The following E2F5 variants were observed in gnomAD, a reference collection of about 807,000 sequenced individuals.
E2F5 encodes transcription factor E2F5.
A neutral mutation model predicts 39.1 loss-of-function variants in E2F5; 23 were observed. The ratio of observed to expected loss-of-function variants is 0.59; its 90% confidence interval spans 0.42 to 0.83. The LOEUF (loss-of-function observed/expected upper bound fraction) is 0.83, where lower values mean the gene tolerates loss of function less well. Among genes scored for constraint, E2F5 ranks in the 40% least tolerant of loss-of-function variants. The probability of loss-of-function intolerance (pLI) is 0.00; values close to 1 mark genes in which losing one functional copy is unlikely to be tolerated. For missense variants in E2F5, 365 were observed against 406.7 expected (o/e 0.90, Z 0.88); for synonymous variants, 145 against 157.8 (o/e 0.92, Z 0.61).
intron 1 of E2F5, chr8:85,187,563 G>T (rs1322191785): frequency 2.0e-5 from 3 of 151,854 alleles, no homozygotes; most frequent in Non-Finnish European, 2.9e-5. Context: ...TCTTTTTATA[G>T]TTTTTGACTT....
At chr8:85,205,159 G>A (rs533818412) in intron 3 of E2F5, among the ~76,000 whole-genome samples, 55 of 152,166 alleles carry the variant, frequency 3.6e-4, no homozygotes, top group Admixed American at 7.2e-4. Context: ...CTTCAGCTTG[G>A]GCGATAGAGC....
At position 85,207,502 on chromosome 8, in the gene E2F5, A is replaced by C; in HGVS notation, c.615+13A>C. The C allele has an allele frequency of 6.5e-7, 1 of 1,546,930 alleles. No individual in the cohort carries two copies. Among genetic ancestry groups the C allele is most frequent in the Non-Finnish European group, 8.7e-7 (1 of 1,144,896 alleles). ...CATTCCAGAAATGGTATGTAGGATA[A>C]CTTATGTTTATATAAGTGGGAAAAA... is the stretch of plus-strand genomic sequence containing the variant. On this transcript the variant is annotated intron_variant, in intron 5 of 7. Coordinates refer to ENST00000416274, the MANE Select transcript of E2F5 (RefSeq NM_001951.4).
At position 85,180,908 on chromosome 8, in the gene E2F5, T is replaced by G. The variant is rs536486994; in HGVS notation, c.234+3254T>G. ...TTGTTTGTTTTTTGAGACAGGGTCT[T>G]ATTCTGTCGCCCAGGCTGGAGTGCA... On this transcript the variant is annotated intron_variant, in intron 1 of 7. Coordinates refer to ENST00000416274, the MANE Select transcript of E2F5 (RefSeq NM_001951.4). 6.1e-5 allele frequency among the ~76,000 whole-genome samples: 9 copies of G among 146,786 alleles called. No homozygotes were observed. The South Asian group carries it at 1.7e-3, about 28-fold the overall frequency.
chr8:85,184,596 T>C (rs759407332), intron 1 of E2F5, among the ~76,000 whole-genome samples: 4 of 152,222 alleles, frequency 2.6e-5, no homozygotes, highest in Non-Finnish European at 5.9e-5. Context: ...GCAGATGACA[T>C]GATTGTATAT....
rs768199633 is a variant in E2F5 at position 85,214,038 on chromosome 8, C to T, written c.*176C>T. 2 of 592,796 alleles carry T rather than the reference C, an allele frequency of 3.4e-6. No individual in the cohort carries two copies. The highest frequency in any genetic ancestry group is 1.9e-5 in the African/African-American group (1 of 53,656). The allele number at this position is 592,796 out of a possible 1,614,324, so 36.7% of individuals were successfully genotyped here. On this transcript the variant is annotated 3_prime_UTR_variant, in exon 8 of 8. Coordinates refer to ENST00000416274, the MANE Select transcript of E2F5 (RefSeq NM_001951.4). Reference sequence around the variant, plus strand: ...AAACTTCAACCATAAAAACAAAGGGCTCTGATTGCTTTAGGGGATAAGTGA... The same window carrying T: ...AAACTTCAACCATAAAAACAAAGGGTTCTGATTGCTTTAGGGGATAAGTGA...
In E2F5 at chr8:85,206,204, C is replaced by A. The variant is rs774880479; in HGVS notation, c.534C>A (p.Ile178=). ...NRFSYVTHED[I]CNCFNGDTLL... is the part of the protein sequence containing the mutation. ...TTTCCTATGTAACTCATGAAGACAT[C>A]TGTAATTGCTTTAATGGTAAGTACC... The change falls in exon 4 of 8, where the codon ATC becomes ATA. Residue 178 remains isoleucine, a synonymous_variant. Transcript: ENST00000416274. 9 of 1,613,132 alleles carry A rather than the reference C, an allele frequency of 5.6e-6. No homozygotes were observed. Among genetic ancestry groups the A allele is most frequent in the African/African-American group, 5.3e-5 (4 of 74,916 alleles).
chr8:85,208,703 T>A (rs1288101888), intron 5 of E2F5, among the ~76,000 whole-genome samples: 1 of 152,180 alleles, frequency 6.6e-6, no homozygotes, highest in Non-Finnish European at 1.5e-5. Flanking sequence ...TATTTCTCAG[T>A]AGGAGAAATT....
At chr8:85,211,123 T>A (rs908741804) in intron 6 of E2F5, among the ~76,000 whole-genome samples, 4 of 150,444 alleles carry the variant, frequency 2.7e-5, no homozygotes, top group Non-Finnish European at 5.9e-5. Flanking sequence ...GTGGGGCTCA[T>A]GCCTGTAATC....
chr8:85,186,673 G>A, intron 1 of E2F5, among the ~76,000 whole-genome samples: 1 of 146,994 alleles, frequency 6.8e-6, no homozygotes, highest in East Asian at 2.0e-4. Context: ...TGGTATATAT[G>A]TAAGGTATAT....
At chr8:85,180,081 G>A (rs750774523) in intron 1 of E2F5, among the ~76,000 whole-genome samples, 1 of 151,020 alleles carries the variant, frequency 6.6e-6, no homozygotes, top group Non-Finnish European at 1.5e-5. Flanking sequence ...GAGTGCAGTG[G>A]CAGATCTCTG....
Position 85,214,049 on chromosome 8 carries a change from T to A in E2F5, c.*187T>A. Reference sequence around the variant, plus strand: ...ATAAAAACAAAGGGCTCTGATTGCTTTAGGGGATAAGTGATTTAATATCCA... The same window carrying A: ...ATAAAAACAAAGGGCTCTGATTGCTATAGGGGATAAGTGATTTAATATCCA... On this transcript the variant is annotated 3_prime_UTR_variant, in exon 8 of 8. Transcript: ENST00000416274. 1 of 596,690 alleles carries A rather than the reference T, an allele frequency of 1.7e-6. No individual in the cohort carries two copies. Among genetic ancestry groups the A allele is most frequent in the Non-Finnish European group, 3.0e-6 (1 of 336,084 alleles). The allele number at this position is 596,690 out of a possible 1,614,324, so 37.0% of individuals were successfully genotyped here.
chr8:85,193,409 G>A (rs1336329627), intron 1 of E2F5, among the ~76,000 whole-genome samples: 1 of 151,892 alleles, frequency 6.6e-6, no homozygotes, highest in Non-Finnish European at 1.5e-5. Flanking sequence ...CTTGGACCCA[G>A]GAGGTGAAGG....
In E2F5 at chr8:85,214,461, G is replaced by T; in HGVS notation, c.*599G>T. ...TGTTTATGTAGTTTGTTTTTAAAAT[G>T]TGCCAATGCCTGTACATTAACAAGA... On this transcript the variant is annotated 3_prime_UTR_variant, in exon 8 of 8. Coordinates refer to ENST00000416274, the MANE Select transcript of E2F5 (RefSeq NM_001951.4). 1.2e-6 allele frequency: 1 copy of T among 813,394 alleles called. No homozygotes were observed. Among genetic ancestry groups the T allele is most frequent in the Non-Finnish European group, 2.1e-6 (1 of 479,640 alleles). The allele number at this position is 813,394 out of a possible 1,614,324, so 50.4% of individuals were successfully genotyped here. A position where few individuals can be genotyped will look rare whatever the true frequency, so the allele number is the denominator to read the frequency against.
chr8:85,188,535 G>A (rs1391842134), intron 1 of E2F5, among the ~76,000 whole-genome samples: 2 of 152,190 alleles, frequency 1.3e-5, no homozygotes, highest in Non-Finnish European at 2.9e-5. Context: ...TTTGGCAGAT[G>A]TGGCCAGCAC....
intron 2 of E2F5, 32 bp from the exon 3 acceptor site, chr8:85,203,062 A>G (rs375519002): frequency 1.3e-5 from 18 of 1,396,624 alleles, no homozygotes; most frequent in Non-Finnish European, 1.7e-5. Context: ...TAGATCTGAT[A>G]CTGAGGATAT....
In E2F5 at chr8:85,209,142, G is replaced by T; in HGVS notation, c.616G>T (p.Gly206Cys). The T allele has an allele frequency of 1.2e-6, 2 of 1,613,382 alleles. No individual in the cohort carries two copies. The highest frequency in any genetic ancestry group is 1.7e-4 in the Middle Eastern group (1 of 6,056). The stretch of plus-strand genomic sequence containing the variant: ...TTGTTTATACCCAATAACTTCAAAG[G>T]GTCAGAATGGACAAAAGAAATACCA... ...TQLEVPIPEM[G>C]QNGQKKYQIN... Residue 206 changes from glycine to cysteine, a missense_variant and splice_region_variant, in exon 6 of 8, where the codon GGT (glycine) becomes TGT (cysteine). By Grantham distance (159) the Gly-to-Cys change is radical (BLOSUM62 -3). Transcript: ENST00000416274.
intron 6 of E2F5, among the ~76,000 whole-genome samples, chr8:85,211,390 G>A (rs1812917123): frequency 1.3e-5 from 2 of 151,888 alleles, no homozygotes; most frequent in East Asian, 1.9e-4. Flanking sequence ...GTGACAGAGC[G>A]AGATCCTGTC....
chr8:85,200,421 AATAAAT>A (rs1281072823), intron 1 of E2F5: 1 of 477,482 alleles, frequency 2.1e-6, no homozygotes, highest in East Asian at 1.5e-4. Context: ...GTTAAGCAGT[AATAAAT>A]ATAAATGATA....
At chr8:85,199,378 C>T (rs981305020) in intron 1 of E2F5, among the ~76,000 whole-genome samples, 6 of 152,130 alleles carry the variant, frequency 3.9e-5, no homozygotes, top group African/African-American at 1.4e-4. Context: ...GATATAGCAC[C>T]TTCCTCTTGC....
Sources: allele counts gnomAD v4.1 joint callset (sites outside exome capture counted in the v4.1 genomes callset), GRCh38; gene constraint gnomAD v4.1.1; transcripts MANE v1.5; gene names NCBI Gene and HGNC (gene_info 2026-07-23, HGNC 2026-07-21).